HS6ST3: variants seen among roughly 807,000 people sequenced by gnomAD.
HS6ST3 encodes heparan-sulfate 6-O-sulfotransferase 3.
A neutral mutation model predicts 36.7 loss-of-function variants in HS6ST3; 12 were observed. That is an observed-to-expected ratio of 0.33 (90% confidence interval 0.21 to 0.53). HS6ST3 has a LOEUF of 0.53. Ranked by LOEUF, HS6ST3 falls within the 20% of genes least tolerant of loss-of-function variation. HS6ST3 has a pLI of 0.95. For missense variants in HS6ST3, 584 were observed against 640.9 expected, an observed-to-expected ratio of 0.91 and a Z score of 0.96; for synonymous variants, 240 against 257.5, an observed-to-expected ratio of 0.93 and a Z score of 0.65.
At chr13:96,546,973 T>C (rs997343293) in intron 1 of HS6ST3, among the ~76,000 whole-genome samples, 9 of 152,118 alleles carry the variant, frequency 5.9e-5, no homozygotes, top group African/African-American at 2.2e-4. Context: ...GAGAATATGG[T>C]CTGGGTAGCC....
At chr13:96,533,918 A>G (rs985087041) in intron 1 of HS6ST3, among the ~76,000 whole-genome samples, 14 of 152,208 alleles carry the variant, frequency 9.2e-5, no homozygotes, top group African/African-American at 3.1e-4. Context: ...GAGAGCTGTC[A>G]TAGTCACTTG....
At chr13:96,126,658 T>G (rs964988564) in intron 1 of HS6ST3, among the ~76,000 whole-genome samples, 1 of 152,056 alleles carries the variant, frequency 6.6e-6, no homozygotes, top group South Asian at 2.1e-4. Context: ...GGGAACAGGA[T>G]GTTGGGCCAG....
At chr13:96,631,511 A>G (rs1225139471) in intron 1 of HS6ST3, among the ~76,000 whole-genome samples, 4 of 152,232 alleles carry the variant, frequency 2.6e-5, no homozygotes, top group Non-Finnish European at 5.9e-5. Context: ...AAGAATAAAC[A>G]GTGTACTTTG....
At position 96,266,622 on chromosome 13, in the gene HS6ST3, C is replaced by T. The variant is rs115592483; in HGVS notation, c.707+175053C>T. On this transcript the variant is annotated intron_variant, in intron 1 of 1. Transcript: ENST00000376705. ...TGGGAGACCCAATTTTAGATTTGCA[C>T]TAATTCCCATTTTGACTGTGGGTAC... 9.7e-3 allele frequency among the ~76,000 whole-genome samples: 1,474 copies of T among 152,200 alleles called. 26 individuals carry two copies. Among genetic ancestry groups the T allele is most frequent in the African/African-American group, 0.034 (1,416 of 41,532 alleles).
chr13:96,264,882 C>G (rs2054684063), intron 1 of HS6ST3, among the ~76,000 whole-genome samples: 1 of 152,170 alleles, frequency 6.6e-6, no homozygotes, highest in Non-Finnish European at 1.5e-5. Flanking sequence ...TTTAAAAGTT[C>G]TAATTAAGCA....
intron 1 of HS6ST3, among the ~76,000 whole-genome samples, chr13:96,259,069 G>C (rs1394865265): frequency 1.3e-5 from 2 of 152,154 alleles, no homozygotes; most frequent in Non-Finnish European, 2.9e-5. Flanking sequence ...CAGGAAATTA[G>C]GGGAAGGAGA....
intron 1 of HS6ST3, among the ~76,000 whole-genome samples, chr13:96,513,354 T>G (rs1028524721): frequency 1.3e-5 from 2 of 152,146 alleles, no homozygotes; most frequent in Admixed American, 6.5e-5. Flanking sequence ...TTTTAAAAAT[T>G]TATTCTTTCC....
intron 1 of HS6ST3, among the ~76,000 whole-genome samples, chr13:96,596,676 A>G (rs2056402722): frequency 6.6e-6 from 1 of 152,176 alleles, no homozygotes; most frequent in Admixed American, 6.5e-5. Context: ...AAAAAGTCAA[A>G]AAAGAACAGA....
intron 1 of HS6ST3, among the ~76,000 whole-genome samples, chr13:96,570,832 A>G (rs1459196454): frequency 2.6e-5 from 4 of 152,206 alleles, no homozygotes; most frequent in African/African-American, 4.8e-5. Context: ...TATGGTAAGT[A>G]CTATAGTAAT....
At chr13:96,153,970 C>G (rs1316261120) in intron 1 of HS6ST3, among the ~76,000 whole-genome samples, 1 of 152,152 alleles carries the variant, frequency 6.6e-6, no homozygotes, top group African/African-American at 2.4e-5. Flanking sequence ...ATTGGCTTTG[C>G]CCAGGTAGTT....
At chr13:96,250,721 C>T (rs1043419540) in intron 1 of HS6ST3, among the ~76,000 whole-genome samples, 2 of 152,154 alleles carry the variant, frequency 1.3e-5, no homozygotes, top group South Asian at 2.1e-4. Context: ...AACTTCTCTC[C>T]GTTCGGCAAA....
At chr13:96,829,990 A>G (rs1878740017) in intron 1 of HS6ST3, among the ~76,000 whole-genome samples, 2 of 152,062 alleles carry the variant, frequency 1.3e-5, no homozygotes, top group Non-Finnish European at 2.9e-5. Context: ...TAAACTTTAC[A>G]ATAATGAGAA....
At chr13:96,635,024 G>A (rs2056544521) in intron 1 of HS6ST3, among the ~76,000 whole-genome samples, 1 of 152,152 alleles carries the variant, frequency 6.6e-6, no homozygotes, top group South Asian at 2.1e-4. Flanking sequence ...TGTTCTTGAT[G>A]TGGCATTTCT....
Position 96,670,511 on chromosome 13 carries a change from A to AACT in HS6ST3, c.708-161978_708-161977insCTA, listed in dbSNP as rs543552775. On this transcript the variant is annotated intron_variant, in intron 1 of 1. Coordinates refer to ENST00000376705, the MANE Select transcript of HS6ST3 (RefSeq NM_153456.4). Reference sequence around the variant, plus strand: ...TATACTAGCGGGAATAATTCAATAGAAAGGAGAAATGGTGATGCTGGAGAG... The same window carrying AACT: ...TATACTAGCGGGAATAATTCAATAGAACTAAGGAGAAATGGTGATGCTGGAGAG... Among the ~76,000 whole-genome samples the AACT allele has an allele frequency of 1.8e-4, 28 of 152,180 alleles. 1 individual carries two copies. In the South Asian group the frequency reaches 5.8e-3, roughly 32 times the overall value.
At chr13:96,437,026 G>A (rs1449007323) in intron 1 of HS6ST3, among the ~76,000 whole-genome samples, 2 of 152,066 alleles carry the variant, frequency 1.3e-5, no homozygotes, top group Admixed American at 6.6e-5. Context: ...CAATGGGGGA[G>A]CATATTTTAG....
chr13:96,313,827 T>G (rs2054954118), intron 1 of HS6ST3, among the ~76,000 whole-genome samples: 2 of 152,154 alleles, frequency 1.3e-5, no homozygotes, highest in South Asian at 4.1e-4. Context: ...CCCGCACAGG[T>G]GTCTGTGTGA....
At position 96,662,041 on chromosome 13, in the gene HS6ST3, G is replaced by A. The variant is rs577470516; in HGVS notation, c.708-170449G>A. ...CTGATTTTAGGATTTTTTCCTTTAC[G>A]TGGACTTTGAATAGCCTGTTAACTG... is the stretch of plus-strand genomic sequence containing the variant. On this transcript the variant is annotated intron_variant, in intron 1 of 1. Transcript: ENST00000376705. 1.2e-4 allele frequency among the ~76,000 whole-genome samples: 18 copies of A among 151,834 alleles called. No individual in the cohort carries two copies. The East Asian group carries it at 2.5e-3, about 21-fold the overall frequency.
intron 1 of HS6ST3, among the ~76,000 whole-genome samples, chr13:96,360,456 T>C (rs1426119285): frequency 6.6e-6 from 1 of 151,760 alleles, no homozygotes; most frequent in Non-Finnish European, 1.5e-5. Context: ...GAAAGGCAAA[T>C]CTGATATTTA....
At chr13:96,152,057 C>CTAT (rs1814655604) in intron 1 of HS6ST3, among the ~76,000 whole-genome samples, 1 of 152,126 alleles carries the variant, frequency 6.6e-6, no homozygotes, top group South Asian at 2.1e-4. Flanking sequence ...CACAGTTCAC[C>CTAT]TCATAGCAAT....
Sources: allele counts gnomAD v4.1 joint callset (sites outside exome capture counted in the v4.1 genomes callset), GRCh38; gene constraint gnomAD v4.1.1; transcripts MANE v1.5; gene names NCBI Gene and HGNC (gene_info 2026-07-23, HGNC 2026-07-21).